SRP54: variants seen among roughly 807,000 people sequenced by gnomAD.
SRP54 encodes the protein signal recognition particle 54.
In SRP54, 10 loss-of-function variants were observed where a neutral mutation model predicts 64.8. The ratio of observed to expected loss-of-function variants is 0.15; its 90% CI spans 0.10 to 0.26. The LOEUF (loss-of-function observed/expected upper bound fraction) is 0.26, where lower values mean the gene tolerates loss of function less well. Ranked by LOEUF, SRP54 falls within the 10% of genes least tolerant of loss-of-function variation. SRP54 has a pLI of 1.00. For synonymous variants in SRP54, 193 were observed against 185.6 expected (o/e 1.04, Z -0.32); for missense variants, 325 against 613.7 (o/e 0.53, Z 4.97).
At chr14:34,989,259 A>G (rs1421237966) in intron 1 of SRP54, among the ~76,000 whole-genome samples, 2 of 152,186 alleles carry the variant, frequency 1.3e-5, no homozygotes, top group African/African-American at 2.4e-5. Flanking sequence ...TAATCCGAGC[A>G]CTTTGGGAGG....
chr14:34,994,362 G>A (rs927734021), intron 1 of SRP54, among the ~76,000 whole-genome samples: 4 of 152,112 alleles, frequency 2.6e-5, no homozygotes, highest in Non-Finnish European at 5.9e-5. Context: ...GATAATCTTG[G>A]TTGACTAAAT....
intron 12 of SRP54, 23 bp from the exon 13 acceptor site, chr14:35,018,943 C>T: frequency 6.3e-7 from 1 of 1,598,490 alleles, no homozygotes; most frequent in Non-Finnish European, 8.6e-7. Context: ...CTACTATTGA[C>T]TTTATGTTTA....
Position 35,008,663 on chromosome 14 carries a change from T to A in SRP54, c.397T>A (p.Cys133Ser). 2 of 1,595,686 alleles carry A rather than the reference T, an allele frequency of 1.3e-6. No individual in the cohort carries two copies. The highest frequency in any genetic ancestry group is 1.7e-6 in the Non-Finnish European group (2 of 1,171,340). ...TTACCAGAGGAAAGGTTGGAAGACC[T>A]GTTTAATATGTGCAGACACATTCAG... ...YYYQRKGWKT[C>S]LICADTFRAG... The change falls in exon 6 of 16, where the codon TGT becomes AGT. Residue 133 changes from cysteine (C) to serine (S), a missense_variant. Coordinates refer to ENST00000216774, the MANE Select transcript of SRP54 (RefSeq NM_003136.4).
rs377630124 is a variant in SRP54, at chr14:35,013,331, A to T, written c.637-15A>T. 2 of 1,609,164 alleles carry T rather than the reference A, an allele frequency of 1.2e-6. No homozygotes were observed. The highest frequency in any genetic ancestry group is 1.7e-6 in the Non-Finnish European group (2 of 1,177,878). On this transcript the variant is annotated splice_polypyrimidine_tract_variant and intron_variant, in intron 8 of 15. Transcript: ENST00000216774. ...AAATCTTTTCTAAAGTATCTTTTCT[A>T]TTTAAACTTTCTAGCAACCTGATAA...
At position 35,008,669 on chromosome 14, in the gene SRP54, A is replaced by G; in HGVS notation, c.403A>G (p.Ile135Val). 6.3e-7 allele frequency: 1 copy of G among 1,599,022 alleles called. No homozygotes were observed. The highest frequency in any genetic ancestry group is 1.2e-5 in the South Asian group (1 of 86,886). ...YQRKGWKTCL[I>V]CADTFRAGAF... is the part of the protein sequence containing the mutation. ...GAGGAAAGGTTGGAAGACCTGTTTA[A>G]TATGTGCAGACACATTCAGAGCAGG... is the stretch of plus-strand genomic sequence containing the variant. The change falls in exon 6 of 16, where the codon ATA (isoleucine) becomes GTA (valine). Residue 135 changes from isoleucine to valine, a missense_variant. This residue lies in a region of SRP54 where 156 missense variants were observed against 254.6 expected (regional missense o/e 0.61). Transcript: ENST00000216774.
In SRP54 at chr14:35,029,338, A is replaced by C; in HGVS notation, c.*186A>C. The C allele has an allele frequency of 2.2e-6, 1 of 458,912 alleles. No individual in the cohort carries two copies. The highest frequency in any genetic ancestry group is 3.9e-6 in the Non-Finnish European group (1 of 259,294). 28.4% of individuals were successfully genotyped at this position (458,912 alleles called of 1,614,324 possible). A position where few individuals can be genotyped will look rare whatever the true frequency, so the allele number is the denominator to read the frequency against. On this transcript the variant is annotated 3_prime_UTR_variant, in exon 16 of 16. Transcript: ENST00000216774. ...CTTCCTTCTTTCCTCCCTTTAATAT[A>C]AGGGAGAAATACATGGTTTTTGTGG...
intron 4 of SRP54, among the ~76,000 whole-genome samples, chr14:35,002,836 T>C (rs2044198383): frequency 6.9e-6 from 1 of 144,604 alleles, no homozygotes; most frequent in Non-Finnish European, 1.5e-5. Flanking sequence ...CTCAACCTCC[T>C]GGGCTCAAAC....
intron 2 of SRP54, among the ~76,000 whole-genome samples, chr14:34,999,007 GT>G (rs2044125801): frequency 4.1e-4 from 31 of 74,958 alleles, no homozygotes; most frequent in African/African-American, 1.2e-3. Context: ...GTGTGTGTGT[GT>G]GTGTGGTTTT....
rs575463106 is a variant in SRP54, at chr14:34,999,101, G to A, written c.79-457G>A. On this transcript the variant is annotated intron_variant, in intron 2 of 15. Coordinates refer to ENST00000216774, the MANE Select transcript of SRP54 (RefSeq NM_003136.4). Reference sequence around the variant, plus strand: ...ACTATCTTGGCTCACTGCAGCCTCCGCCTCCCGAGTTCAAGTGATTCTCCT... The same window carrying A: ...ACTATCTTGGCTCACTGCAGCCTCCACCTCCCGAGTTCAAGTGATTCTCCT... 1.3e-4 allele frequency among the ~76,000 whole-genome samples: 19 copies of A among 140,818 alleles called. No homozygotes were observed. In the East Asian group the frequency reaches 2.1e-3, roughly 15 times the overall value. The allele number at this position is 140,818 out of a possible 152,430, so 92.4% of individuals were successfully genotyped here. A position where few individuals can be genotyped will look rare whatever the true frequency, so the allele number is the denominator to read the frequency against.
intron 4 of SRP54, among the ~76,000 whole-genome samples, chr14:35,001,384 C>T (rs2044170024): frequency 6.6e-6 from 1 of 152,064 alleles, no homozygotes; most frequent in Admixed American, 6.6e-5. Context: ...CTCCTGACCT[C>T]AGGCGATCCG....
intron 1 of SRP54, among the ~76,000 whole-genome samples, chr14:34,985,264 A>G (rs2043876730): frequency 6.6e-6 from 1 of 152,216 alleles, no homozygotes; most frequent in African/African-American, 2.4e-5. Context: ...CACATCCTTC[A>G]TAAAAAGTGA....
intron 14 of SRP54, among the ~76,000 whole-genome samples, chr14:35,025,272 T>G (rs1440740610): frequency 6.6e-6 from 1 of 152,228 alleles, no homozygotes; most frequent in Non-Finnish European, 1.5e-5. Context: ...GCTCTGAATA[T>G]GAACAATACC....
At chr14:35,007,540 AAAT>A (rs1405816359) in intron 5 of SRP54, among the ~76,000 whole-genome samples, 153 bp downstream of exon 5, 2 of 147,172 alleles carry the variant, frequency 1.4e-5, no homozygotes, top group African/African-American at 2.5e-5. Context: ...TATATATTAT[AAAT>A]AATGTTATTT....
rs143404695 is a variant in SRP54 at position 35,026,953 on chromosome 14, C to G, written c.1328-1135C>G. 6.4e-4 allele frequency among the ~76,000 whole-genome samples: 97 copies of G among 150,498 alleles called. No individual in the cohort carries two copies. In the East Asian group the frequency reaches 0.016, roughly 24 times the overall value. On this transcript the variant is annotated intron_variant, in intron 14 of 15. Transcript: ENST00000216774. ...GCTAGACTCCATCTCAAAAACAAAA[C>G]AAAACAAAAAAAACTTCTTAGATAC...
chr14:34,998,995 GTGTGTGTGTGTGTGTGTGGTTTT>G (rs2044122103), intron 2 of SRP54, among the ~76,000 whole-genome samples: 1 of 93,556 alleles, frequency 1.1e-5, no homozygotes, highest in Non-Finnish European at 2.3e-5. Flanking sequence ...GTGTGTGTGT[GTGTGTGTGTGTGTGTGTGGTTTT>G]TTTTTTTTTT....
chr14:35,023,002 G>A lies in SRP54; in HGVS notation c.1249G>A (p.Val417Ile), dbSNP rs374841884. ...ARGSGVSTRD[V>I]QELLTQYTKF... ...AGGATCGGGTGTATCAACAAGAGATGTTCAAGAACTTTTGACACAATATAC... is the reference window on the plus strand; with the variant it reads ...AGGATCGGGTGTATCAACAAGAGATATTCAAGAACTTTTGACACAATATAC... Residue 417 changes from valine (V) to isoleucine (I), a missense_variant, in exon 14 of 16, where the codon GTT (valine) becomes ATT (isoleucine). By Grantham distance (29) the Val-to-Ile change is conservative. This residue lies in a region of SRP54 where 146 missense variants were observed against 337.4 expected (regional missense o/e 0.43). Transcript: ENST00000216774. 6.2e-7 allele frequency: 1 copy of A among 1,613,938 alleles called. No individual in the cohort carries two copies. The highest frequency in any genetic ancestry group is 1.1e-5 in the South Asian group (1 of 91,070).
intron 3 of SRP54, among the ~76,000 whole-genome samples, chr14:35,000,419 T>G (rs12878118): frequency 1.3e-5 from 2 of 151,440 alleles, no homozygotes; most frequent in African/African-American, 4.8e-5. Context: ...TACAAAAAAT[T>G]AGCCGGGCAT....
chr14:35,027,510 C>T (rs1156425129), intron 14 of SRP54, among the ~76,000 whole-genome samples: 2 of 152,172 alleles, frequency 1.3e-5, no homozygotes, highest in African/African-American at 4.8e-5. Flanking sequence ...GTAATCCCAG[C>T]ACTCTGGGAG....
chr14:34,999,869 A>G (rs1594987667), intron 3 of SRP54: 3 of 332,732 alleles, frequency 9.0e-6, no homozygotes, highest in Middle Eastern at 9.2e-4. Context: ...TTAATTACAT[A>G]TTTTTTTCTA....
Sources: gnomAD v4.1 joint callset for allele counts (sites outside exome capture counted in the v4.1 genomes callset) on GRCh38, gnomAD v4.1.1 for gene constraint, gnomAD v4.1.1 regional missense constraint, MANE v1.5 for transcripts, NCBI Gene and HGNC (gene_info 2026-07-23, HGNC 2026-07-21) for gene names.